The following MAN2A2 variants were observed in gnomAD, a reference collection of about 807,000 sequenced individuals.
MAN2A2 encodes mannosidase alpha class 2A member 2.
MAN2A2 carries 79 observed loss-of-function variants against 126.8 expected under a neutral mutation model. That is an observed-to-expected ratio of 0.62 (90% CI 0.52 to 0.75). The LOEUF is 0.75. MAN2A2 is among the 30% of genes least tolerant of loss of function. The probability of loss-of-function intolerance (pLI) is 0.00; values close to 1 mark genes in which losing one functional copy is unlikely to be tolerated. For synonymous variants in MAN2A2, 671 were observed against 618.7 expected, an observed-to-expected ratio of 1.08 and a Z score of -1.25; for missense variants, 1,392 against 1,522.4, an observed-to-expected ratio of 0.91 and a Z score of 1.43.
intron 1 of MAN2A2, 180 bp from the exon 2 acceptor site, chr15:90,904,010 G>A: frequency 1.5e-6 from 1 of 679,936 alleles, no homozygotes; most frequent in South Asian, 1.6e-5. Context: ...CTCCACCCTA[G>A]CGGCAGAGCT....
rs1025924436 is a variant in MAN2A2 at position 90,907,657 on chromosome 15, C to G, written c.1196+162C>G. On this transcript the variant is annotated intron_variant, in intron 8 of 22. Coordinates refer to ENST00000559717, the MANE Select transcript of MAN2A2 (RefSeq NM_006122.4). ...TCCTGAAAAACTGGAATGGCTCTTG[C>G]AACCACCTTTCACAGAATGCTTTTA... The G allele has an allele frequency of 6.2e-6, 4 of 646,996 alleles. No individual in the cohort carries two copies. In the Admixed American group the frequency reaches 9.0e-5, roughly 15 times the overall value. 40.1% of individuals were successfully genotyped at this position (646,996 alleles called of 1,614,324 possible).
rs2035356334 is a variant in MAN2A2 at position 90,918,488 on chromosome 15, T to A, written c.3189+100T>A. ...CCTCCAGGATGAGGTCCAGACCCCT[T>A]AGCAGGTATTCGGCTCCAAACCTCC... On this transcript the variant is annotated intron_variant, in intron 21 of 22. Transcript: ENST00000559717. 2.2e-6 allele frequency: 3 copies of A among 1,392,348 alleles called. No homozygotes were observed. In the Admixed American group the frequency reaches 6.0e-5, roughly 28 times the overall value. 86.2% of individuals were successfully genotyped at this position (1,392,348 alleles called of 1,614,324 possible). A position where few individuals can be genotyped will look rare whatever the true frequency, so the allele number is the denominator to read the frequency against.
At chr15:90,915,733 G>A (rs777706149) in intron 19 of MAN2A2, among the ~76,000 whole-genome samples, 74 of 152,232 alleles carry the variant, frequency 4.9e-4, no homozygotes, top group Non-Finnish European at 9.7e-4. Flanking sequence ...GATTACGGAG[G>A]TGTGCAGCAA....
intron 20 of MAN2A2, among the ~76,000 whole-genome samples, chr15:90,917,398 C>T (rs940656511): frequency 6.6e-5 from 10 of 152,264 alleles, no homozygotes; most frequent in Admixed American, 3.9e-4. Context: ...GGAGGGACAC[C>T]GTCAGAACTC....
Position 90,909,352 on chromosome 15 carries a change from C to G in MAN2A2, c.1222C>G (p.Arg408Gly). 3 of 1,613,260 alleles carry G rather than the reference C, an allele frequency of 1.9e-6. No homozygotes were observed. The highest frequency in any genetic ancestry group is 2.5e-6 in the Non-Finnish European group (3 of 1,179,310). The change falls in exon 9 of 23, where the codon CGG becomes GGG. Residue 408 changes from arginine to glycine, a missense_variant. Transcript: ENST00000559717. Reference protein sequence around the residue: ...ERAALLLDQYRKKSQLFRSNV... With the variant: ...ERAALLLDQYGKKSQLFRSNV... ...GGCAGCCCTGCTTCTGGACCAATACCGGAAGAAGTCCCAGCTGTTCCGAAG... is the reference window on the plus strand; with the variant it reads ...GGCAGCCCTGCTTCTGGACCAATACGGGAAGAAGTCCCAGCTGTTCCGAAG...
At chr15:90,907,600 T>G (rs2034402178) in intron 8 of MAN2A2, 105 bp downstream of exon 8, 2 of 1,065,416 alleles carry the variant, frequency 1.9e-6, no homozygotes, top group Non-Finnish European at 2.7e-6. Flanking sequence ...TTGAGGCTCC[T>G]AGCCTCTGCA....
rs749900448 is a variant in MAN2A2, at chr15:90,904,386, G to A, written c.132+47G>A. 47 of 1,593,070 alleles carry A rather than the reference G, an allele frequency of 3.0e-5. No individual in the cohort carries two copies. In the African/African-American group the frequency reaches 4.6e-4, roughly 15 times the overall value. The stretch of plus-strand genomic sequence containing the variant: ...ATTTCTTTGTATACAAGTCACCTGG[G>A]CTCAGGGTATGCACCTCCCACCCCG... On this transcript the variant is annotated intron_variant, in intron 2 of 22. Transcript: ENST00000559717.
Position 90,920,374 on chromosome 15 carries a change from C to T in MAN2A2, c.*587C>T. The stretch of plus-strand genomic sequence containing the variant: ...AAGGCCTCGCTGCTTTCTGTGATGG[C>T]TTTGCAGTAAGTGCCGCCTGGCCTG... On this transcript the variant is annotated 3_prime_UTR_variant, in exon 23 of 23. Transcript: ENST00000559717. 1 of 152,824 alleles carries T rather than the reference C, an allele frequency of 6.5e-6. No homozygotes were observed. The highest frequency in any genetic ancestry group is 2.1e-4 in the South Asian group (1 of 4,864). 9.5% of individuals were successfully genotyped at this position (152,824 alleles called of 1,614,324 possible).
At position 90,909,479 on chromosome 15, in the gene MAN2A2, A is replaced by G. The variant is rs750309582; in HGVS notation, c.1349A>G (p.Asn450Ser). ...TACCAACGGCTCTTTGACTTCTTCAACAGCAGGCCTAACCTCCATGTGCAG... is the reference window on the plus strand; with the variant it reads ...TACCAACGGCTCTTTGACTTCTTCAGCAGCAGGCCTAACCTCCATGTGCAG... ...FNYQRLFDFF[N>S]SRPNLHVQAQ... Residue 450 changes from asparagine (N) to serine (S), a missense_variant, in exon 9 of 23, where the codon AAC (asparagine) becomes AGC (serine). Physicochemically the swap from Asn to Ser is conservative, Grantham distance 46. Coordinates refer to ENST00000559717, the MANE Select transcript of MAN2A2 (RefSeq NM_006122.4). 5.6e-6 allele frequency: 9 copies of G among 1,613,944 alleles called. No homozygotes were observed. The highest frequency in any genetic ancestry group is 1.7e-5 in the Admixed American group (1 of 60,006).
At chr15:90,916,504 C>A in intron 20 of MAN2A2, 2 of 1,303,704 alleles carry the variant, frequency 1.5e-6, no homozygotes, top group Middle Eastern at 1.9e-4. Context: ...TTCCTCTGTG[C>A]TGCCCTCCTC....
Position 90,911,235 on chromosome 15 carries a change from C to T in MAN2A2, c.1940C>T (p.Pro647Leu), listed in dbSNP as rs1202047533. ...ACGGTGATCCAGCTGGATTCCTCGC[C>T]CAGGTAACCTGGACTACGCCATGTG... ...ERTVIQLDSSPRFVVLFNPLE... is the reference protein window; with the variant it reads ...ERTVIQLDSSLRFVVLFNPLE... Residue 647 changes from proline (P) to leucine (L), a missense_variant, in exon 13 of 23, where the codon CCC (proline) becomes CTC (leucine). Pro to Leu is a moderately conservative substitution (Grantham distance 98). Coordinates refer to ENST00000559717, the MANE Select transcript of MAN2A2 (RefSeq NM_006122.4). 6.2e-7 allele frequency: 1 copy of T among 1,614,086 alleles called. No individual in the cohort carries two copies. The highest frequency in any genetic ancestry group is 1.1e-5 in the South Asian group (1 of 91,078).
chr15:90,916,946 C>T (rs905555018), intron 20 of MAN2A2, among the ~76,000 whole-genome samples: 14 of 152,190 alleles, frequency 9.2e-5, no homozygotes, highest in East Asian at 1.9e-4. Flanking sequence ...CTAAGGAGAT[C>T]GAGGTCAAGG....
chr15:90,910,159 C>G lies in MAN2A2; in HGVS notation c.1444C>G (p.Arg482Gly), dbSNP rs1161518072. The part of the protein sequence containing the change: ...YKRTGVEPGA[R>G]PPGFPVLSGD... Reference sequence around the variant, plus strand: ...GAGGACAGGGGTGGAGCCAGGGGCCCGGCCTCCAGGGTTTCCTGTGCTGAG... The same window carrying G: ...GAGGACAGGGGTGGAGCCAGGGGCCGGGCCTCCAGGGTTTCCTGTGCTGAG... The change falls in exon 10 of 23, where the codon CGG becomes GGG. Residue 482 changes from arginine to glycine, a missense_variant. Arg to Gly is a moderately radical substitution (Grantham distance 125). Transcript: ENST00000559717. 2 of 1,614,008 alleles carry G rather than the reference C, an allele frequency of 1.2e-6. No homozygotes were observed. The highest frequency in any genetic ancestry group is 1.7e-5 in the Admixed American group (1 of 60,002).
At chr15:90,906,229 A>G in intron 5 of MAN2A2, 141 bp from the exon 6 acceptor site, 1 of 1,306,612 alleles carries the variant, frequency 7.7e-7, no homozygotes, top group Non-Finnish European at 1.1e-6. Flanking sequence ...TAAGGAAAGG[A>G]GGGCAAGTGT....
In MAN2A2 at chr15:90,910,629, A is replaced by G. The variant is rs765555958; in HGVS notation, c.1706A>G (p.His569Arg). ...CGCACATTGGGGCTCTTCCAGCATC[A>G]CGATGCCATCACTGGCACGGCCAAG... The part of the protein sequence containing the change: ...ARRTLGLFQH[H>R]DAITGTAKEA... Residue 569 changes from histidine to arginine, a missense_variant, in exon 11 of 23, where the codon CAC (histidine) becomes CGC (arginine). By Grantham distance (29) the His-to-Arg change is conservative (BLOSUM62 0). Transcript: ENST00000559717. 1 of 1,614,070 alleles carries G rather than the reference A, an allele frequency of 6.2e-7. No homozygotes were observed. Among genetic ancestry groups the G allele is most frequent in the East Asian group, 2.2e-5 (1 of 44,870 alleles).
At position 90,907,291 on chromosome 15, in the gene MAN2A2, G is replaced by A. The variant is rs1394661472; in HGVS notation, c.1010-18G>A. ...GAGGCTGCCTGCTGGTGGTGACCAC[G>A]TGGTGTGTCTCCTGCAGACTCGGAC... On this transcript the variant is annotated intron_variant, in intron 7 of 22. Coordinates refer to ENST00000559717, the MANE Select transcript of MAN2A2 (RefSeq NM_006122.4). The A allele has an allele frequency of 1.5e-5, 24 of 1,608,716 alleles. No homozygotes were observed. The highest frequency in any genetic ancestry group is 1.9e-5 in the Non-Finnish European group (22 of 1,176,212).
At position 90,906,398 on chromosome 15, in the gene MAN2A2, G is replaced by A. The variant is rs2034286761; in HGVS notation, c.736G>A (p.Ala246Thr). 1 of 1,614,148 alleles carries A rather than the reference G, an allele frequency of 6.2e-7. No individual in the cohort carries two copies. Among genetic ancestry groups the A allele is most frequent in the Non-Finnish European group, 8.5e-7 (1 of 1,179,996 alleles). ...GGTGGGAAACGGGCAGCTGGAGATT[G>A]CGACAGGAGGCTGGGTGATGCCAGA... The part of the protein sequence containing the change: ...RLVGNGQLEI[A>T]TGGWVMPDEA... The change falls in exon 6 of 23, where the codon GCG (alanine) becomes ACG (threonine). Residue 246 changes from alanine to threonine, a missense_variant. Ala to Thr is a moderately conservative substitution (Grantham distance 58, BLOSUM62 0). Coordinates refer to ENST00000559717, the MANE Select transcript of MAN2A2 (RefSeq NM_006122.4).
rs2034923766 is a variant in MAN2A2, at chr15:90,913,425, T to C, written c.2718+19T>C. 1 of 1,580,140 alleles carries C rather than the reference T, an allele frequency of 6.3e-7. No homozygotes were observed. Among genetic ancestry groups the C allele is most frequent in the Admixed American group, 1.7e-5 (1 of 59,896 alleles). On this transcript the variant is annotated intron_variant, in intron 18 of 22. Coordinates refer to ENST00000559717, the MANE Select transcript of MAN2A2 (RefSeq NM_006122.4). ...CTTTCAGGTGACTCCTGGGCCTGGGTCTCGGAGACCCCACAGAGTAGAACT... is the reference window on the plus strand; with the variant it reads ...CTTTCAGGTGACTCCTGGGCCTGGGCCTCGGAGACCCCACAGAGTAGAACT...
At chr15:90,916,514 C>T (rs2035196139) in intron 20 of MAN2A2, 2 of 1,377,308 alleles carry the variant, frequency 1.5e-6, no homozygotes, top group African/African-American at 1.4e-5. Flanking sequence ...CTGCCCTCCT[C>T]TGCCCTGTCC....
Sources: gnomAD v4.1 joint callset for allele counts (sites outside exome capture counted in the v4.1 genomes callset) on GRCh38, gnomAD v4.1.1 for gene constraint, MANE v1.5 for transcripts, NCBI Gene and HGNC (gene_info 2026-07-23, HGNC 2026-07-21) for gene names.